Variants in SLC39A11 observed in about 807,000 individuals in gnomAD.
SLC39A11 encodes the protein zinc transporter ZIP11.
Under a neutral mutation model 36.1 loss-of-function variants are expected in SLC39A11, and 33 were observed. That is an observed-to-expected ratio of 0.91 (90% CI 0.69 to 1.22). The LOEUF (loss-of-function observed/expected upper bound fraction) is 1.22. SLC39A11 is among the 50% of genes most tolerant of loss of function. The pLI, the probability that SLC39A11 is intolerant of heterozygous loss-of-function variation, is 0.00. For synonymous variants in SLC39A11, 166 were observed against 170.3 expected (o/e 0.97, Z 0.20); for missense variants, 432 against 430.3 (o/e 1.00, Z -0.03).
rs575638814 is a variant in SLC39A11 at position 72,705,603 on chromosome 17, C to A, written c.671+31047G>T. Among the ~76,000 whole-genome samples the A allele has an allele frequency of 3.9e-5, 6 of 152,290 alleles. No individual in the cohort carries two copies. The South Asian group carries it at 1.0e-3, about 26-fold the overall frequency. Reference sequence around the variant, plus strand: ...ATCAAAGGTGTGGCACCCTAGCAGACAGAGGGCTACCTAACTCGATGGCGG... The same window carrying A: ...ATCAAAGGTGTGGCACCCTAGCAGAAAGAGGGCTACCTAACTCGATGGCGG... On this transcript the variant is annotated intron_variant, in intron 7 of 9. Transcript: ENST00000255559.
At chr17:72,992,008 A>G (rs998669083) in intron 4 of SLC39A11, among the ~76,000 whole-genome samples, 3 of 152,234 alleles carry the variant, frequency 2.0e-5, no homozygotes, top group African/African-American at 4.8e-5. Flanking sequence ...AATACTGAAT[A>G]TTGTCAAACC....
At chr17:73,017,168 G>A (rs1381206813) in intron 4 of SLC39A11, among the ~76,000 whole-genome samples, 1 of 152,158 alleles carries the variant, frequency 6.6e-6, no homozygotes, top group Admixed American at 6.5e-5. Flanking sequence ...CAAAGAATCT[G>A]GAGCAAATGT....
At chr17:72,782,268 G>C (rs778147480) in intron 6 of SLC39A11, among the ~76,000 whole-genome samples, 1 of 152,128 alleles carries the variant, frequency 6.6e-6, no homozygotes, top group Non-Finnish European at 1.5e-5. Flanking sequence ...AAGCTGGGAG[G>C]GGGCATGGAA....
chr17:72,776,705 C>T (rs901847499), intron 6 of SLC39A11, among the ~76,000 whole-genome samples: 2 of 139,356 alleles, frequency 1.4e-5, no homozygotes, highest in South Asian at 2.1e-4. Context: ...ACATTTCTAG[C>T]GGCATTATAT....
intron 6 of SLC39A11, among the ~76,000 whole-genome samples, chr17:72,819,235 T>C (rs2077686566): frequency 6.6e-6 from 1 of 151,106 alleles, no homozygotes; most frequent in Non-Finnish European, 1.5e-5. Context: ...AGGGGAAATT[T>C]GAGCACAGAA....
intron 5 of SLC39A11, among the ~76,000 whole-genome samples, chr17:72,895,006 C>T (rs1241583032): frequency 1.3e-5 from 2 of 151,952 alleles, no homozygotes; most frequent in Admixed American, 6.5e-5. Context: ...TCCCCAGAAA[C>T]TAACGCAGAA....
chr17:73,035,298 G>A (rs958969180), intron 3 of SLC39A11, among the ~76,000 whole-genome samples: 1 of 152,044 alleles, frequency 6.6e-6, no homozygotes, highest in East Asian at 1.9e-4. Context: ...GAGCCACCAC[G>A]CCCAGCTAAT....
chr17:72,989,101 G>A (rs762188270), intron 4 of SLC39A11, among the ~76,000 whole-genome samples: 4 of 152,266 alleles, frequency 2.6e-5, no homozygotes, highest in East Asian at 3.9e-4. Context: ...CAATGTGAAC[G>A]TATTTATTAA....
At chr17:72,756,010 A>AC (rs1457210949) in intron 6 of SLC39A11, among the ~76,000 whole-genome samples, 1 of 152,242 alleles carries the variant, frequency 6.6e-6, no homozygotes, top group African/African-American at 2.4e-5. Context: ...AGCACCTCAC[A>AC]CCCATTAGGA....
intron 6 of SLC39A11, among the ~76,000 whole-genome samples, chr17:72,782,118 C>T (rs1040977658): frequency 6.6e-6 from 1 of 151,988 alleles, no homozygotes; most frequent in African/African-American, 2.4e-5. Flanking sequence ...ACCTTAAATC[C>T]AATGATAAGT....
At chr17:72,801,519 G>T (rs146465822) in intron 6 of SLC39A11, among the ~76,000 whole-genome samples, 2 of 152,188 alleles carry the variant, frequency 1.3e-5, no homozygotes. Context: ...GAGCCACTGC[G>T]CCCAGCCGGG....
intron 7 of SLC39A11, among the ~76,000 whole-genome samples, chr17:72,700,822 C>G (rs889626760): frequency 5.3e-5 from 8 of 152,210 alleles, no homozygotes; most frequent in Admixed American, 2.6e-4. Flanking sequence ...CGGGTTTCCC[C>G]TTATAAAACC....
chr17:72,942,597 C>G (rs1181895979), intron 5 of SLC39A11, among the ~76,000 whole-genome samples: 1 of 152,136 alleles, frequency 6.6e-6, no homozygotes, highest in African/African-American at 2.4e-5. Context: ...ACAAAAGGAA[C>G]ATGTCCTTCA....
chr17:72,767,655 G>T (rs749549385), intron 6 of SLC39A11, among the ~76,000 whole-genome samples: 3 of 152,214 alleles, frequency 2.0e-5, no homozygotes, highest in Non-Finnish European at 2.9e-5. Flanking sequence ...ATGCCCACTA[G>T]ACTGTGAGCT....
chr17:73,024,424 G>T (rs1598899678), intron 4 of SLC39A11, among the ~76,000 whole-genome samples: 1 of 135,536 alleles, frequency 7.4e-6, no homozygotes, highest in African/African-American at 3.9e-5. Context: ...GCTTATTGTA[G>T]AGACTCTCAG....
At chr17:72,753,438 C>A (rs1003306840) in intron 6 of SLC39A11, among the ~76,000 whole-genome samples, 1 of 152,112 alleles carries the variant, frequency 6.6e-6, no homozygotes, top group Non-Finnish European at 1.5e-5. Flanking sequence ...GGCAATTATA[C>A]GATATGATTA....
chr17:72,907,617 G>T (rs1254201386), intron 5 of SLC39A11, among the ~76,000 whole-genome samples: 1 of 152,200 alleles, frequency 6.6e-6, no homozygotes. Context: ...CAGAAGTTCT[G>T]AAATAGTCAT....
chr17:72,737,052 G>T (rs2074461132), intron 6 of SLC39A11, among the ~76,000 whole-genome samples: 1 of 144,586 alleles, frequency 6.9e-6, no homozygotes, highest in African/African-American at 2.6e-5. Context: ...AAGACAGGCA[G>T]ATCACCTGAG....
intron 4 of SLC39A11, among the ~76,000 whole-genome samples, chr17:72,971,215 C>T (rs1484753282): frequency 6.6e-6 from 1 of 152,092 alleles, no homozygotes; most frequent in Non-Finnish European, 1.5e-5. Context: ...CGGTTGAGAA[C>T]TTGAACTAAA....
Sources: gnomAD v4.1 joint callset for allele counts (sites outside exome capture counted in the v4.1 genomes callset) on GRCh38, gnomAD v4.1.1 for gene constraint, MANE v1.5 for transcripts, NCBI Gene and HGNC (gene_info 2026-07-23, HGNC 2026-07-21) for gene names.